CTNNA3: variants seen among roughly 807,000 people sequenced by gnomAD.
CTNNA3 encodes catenin alpha-3.
In CTNNA3, 76 loss-of-function variants were observed where a neutral mutation model predicts 95.7. The observed-to-expected ratio is 0.79, with a 90% confidence interval of 0.66 to 0.96. The LOEUF (loss-of-function observed/expected upper bound fraction) is 0.96, where lower values mean the gene tolerates loss of function less well. Ranked by LOEUF, CTNNA3 falls within the 40% of genes least tolerant of loss-of-function variation. The pLI is 0.00. For missense variants in CTNNA3, 1,191 were observed against 1,089.8 expected (o/e 1.09, Z -1.31); for synonymous variants, 431 against 374.4 (o/e 1.15, Z -1.74).
At chr10:66,649,511 G>A (rs567012009) in intron 9 of CTNNA3, among the ~76,000 whole-genome samples, 8 of 152,096 alleles carry the variant, frequency 5.3e-5, no homozygotes, top group Non-Finnish European at 7.3e-5. Context: ...CAACCCTTAC[G>A]GGAAGGAAAG....
intron 14 of CTNNA3, among the ~76,000 whole-genome samples, chr10:66,074,982 C>G (rs1448245501): frequency 6.6e-6 from 1 of 151,776 alleles, no homozygotes; most frequent in African/African-American, 2.4e-5. Flanking sequence ...TATCACTGAT[C>G]TTGTATTTTC....
chr10:66,114,054 A>G (rs2082220737), intron 13 of CTNNA3, among the ~76,000 whole-genome samples: 1 of 152,060 alleles, frequency 6.6e-6, no homozygotes, highest in African/African-American at 2.4e-5. Context: ...CTGACCTTCA[A>G]CTCTTATGTC....
chr10:66,202,315 T>C (rs1239570609), intron 13 of CTNNA3, among the ~76,000 whole-genome samples: 1 of 152,228 alleles, frequency 6.6e-6, no homozygotes, highest in Non-Finnish European at 1.5e-5. Flanking sequence ...GGTAGCCTCC[T>C]CTTGTGTCAA....
At chr10:66,210,760 A>G (rs75377692) in intron 13 of CTNNA3, among the ~76,000 whole-genome samples, 23,612 of 152,240 alleles carry the variant, frequency 0.16, 2,277 homozygotes, top group Admixed American at 0.25. Context: ...GTAAACAACA[A>G]AAAACAACAT....
At chr10:66,874,278 G>A (rs945177076) in intron 7 of CTNNA3, among the ~76,000 whole-genome samples, 5 of 152,082 alleles carry the variant, frequency 3.3e-5, no homozygotes, top group African/African-American at 9.7e-5. Flanking sequence ...GCCAACTACC[G>A]CCTCCATAAT....
At chr10:67,621,489 C>T (rs1005193839) in intron 2 of CTNNA3, among the ~76,000 whole-genome samples, 1 of 152,148 alleles carries the variant, frequency 6.6e-6, no homozygotes, top group Non-Finnish European at 1.5e-5. Flanking sequence ...GTGGCTCACG[C>T]CTGTAATCCC....
At chr10:66,609,557 T>C (rs1844254158) in intron 10 of CTNNA3, among the ~76,000 whole-genome samples, 1 of 151,618 alleles carries the variant, frequency 6.6e-6, no homozygotes, top group East Asian at 1.9e-4. Flanking sequence ...TCAAATGCTA[T>C]CTCACACCAG....
intron 13 of CTNNA3, among the ~76,000 whole-genome samples, chr10:66,246,897 C>T (rs1230440002): frequency 1.3e-5 from 2 of 151,574 alleles, no homozygotes; most frequent in African/African-American, 2.4e-5. Flanking sequence ...CTAAAAAACA[C>T]AAAAAATTAG....
intron 7 of CTNNA3, among the ~76,000 whole-genome samples, chr10:67,126,647 C>A (rs544748561): frequency 3.5e-4 from 54 of 152,342 alleles, no homozygotes; most frequent in African/African-American, 1.2e-3. Context: ...TTCAATATAT[C>A]TCAGCCACAA....
intron 11 of CTNNA3, among the ~76,000 whole-genome samples, chr10:66,487,603 T>C (rs1297776327): frequency 6.6e-6 from 1 of 152,126 alleles, no homozygotes; most frequent in African/African-American, 2.4e-5. Flanking sequence ...AATGAATGTA[T>C]TAATTAATTT....
chr10:67,230,794 T>A lies in CTNNA3; in HGVS notation c.580-10924A>T, dbSNP rs117017835. ...CATCTCACTAGGGAATACCAGACAC[T>A]GGGCGCAGGTCAGTGTGTGCACACA... On this transcript the variant is annotated intron_variant, in intron 5 of 17. Transcript: ENST00000433211. Among the ~76,000 whole-genome samples the A allele has an allele frequency of 0.013, 1,967 of 152,230 alleles. 123 individuals are homozygous for A. The East Asian group carries it at 0.19, about 15-fold the overall frequency.
chr10:67,529,337 G>A (rs1840247382), intron 4 of CTNNA3, among the ~76,000 whole-genome samples: 1 of 151,806 alleles, frequency 6.6e-6, no homozygotes, highest in African/African-American at 2.4e-5. Context: ...AAATGCTTGA[G>A]GTGATGGATA....
chr10:66,996,611 G>GCAT (rs564491760), intron 7 of CTNNA3, among the ~76,000 whole-genome samples: 88 of 128,500 alleles, frequency 6.8e-4, no homozygotes, highest in African/African-American at 2.6e-3. Context: ...TCGCACCACT[G>GCAT]CATTCAGCCT....
intron 12 of CTNNA3, among the ~76,000 whole-genome samples, chr10:66,372,959 C>T (rs2092765312): frequency 1.3e-5 from 2 of 152,228 alleles, no homozygotes; most frequent in African/African-American, 4.8e-5. Context: ...ACATCAGTTA[C>T]ATATTTTACA....
At chr10:66,509,046 T>C (rs371066089) in intron 11 of CTNNA3, among the ~76,000 whole-genome samples, 41 of 152,138 alleles carry the variant, frequency 2.7e-4, no homozygotes, top group African/African-American at 9.9e-4. Context: ...ACACCAGCGT[T>C]TGTTATTTAT....
chr10:66,035,114 A>G (rs1016987868), intron 15 of CTNNA3, among the ~76,000 whole-genome samples: 2 of 152,068 alleles, frequency 1.3e-5, no homozygotes, highest in African/African-American at 4.8e-5. Flanking sequence ...GTCCTCACCT[A>G]TTTCAAATTT....
chr10:66,204,303 C>A (rs1286521055), intron 13 of CTNNA3, among the ~76,000 whole-genome samples: 2 of 152,086 alleles, frequency 1.3e-5, no homozygotes, highest in East Asian at 3.9e-4. Context: ...CATTCAGTCT[C>A]TCCCCTCTCC....
intron 11 of CTNNA3, among the ~76,000 whole-genome samples, chr10:66,490,345 A>G (rs1311542371): frequency 6.6e-6 from 1 of 152,198 alleles, no homozygotes; most frequent in Non-Finnish European, 1.5e-5. Context: ...TTGAGGAGCA[A>G]TATGACATCA....
intron 5 of CTNNA3, among the ~76,000 whole-genome samples, chr10:67,409,382 A>G (rs1220307458): frequency 6.6e-6 from 1 of 152,238 alleles, no homozygotes; most frequent in Non-Finnish European, 1.5e-5. Flanking sequence ...TAGTACACAT[A>G]CACTATGGAA....
Sources: gnomAD v4.1 joint callset for allele counts (sites outside exome capture counted in the v4.1 genomes callset) on GRCh38, gnomAD v4.1.1 for gene constraint, MANE v1.5 for transcripts, NCBI Gene and HGNC (gene_info 2026-07-23, HGNC 2026-07-21) for gene names.